The following NLRP10 variants were observed in gnomAD, a reference collection of about 807,000 sequenced individuals.
NLRP10 encodes the protein NACHT, LRR and PYD domains-containing protein 10.
Under a neutral mutation model 8.2 loss-of-function variants are expected in NLRP10, and 7 were observed. The observed-to-expected ratio is 0.85, with a 90% CI of 0.48 to 1.60. The LOEUF (loss-of-function observed/expected upper bound fraction) is 1.60. Among genes scored for constraint, NLRP10 ranks in the 40% most tolerant of loss-of-function variants. The pLI is 0.00. For synonymous variants in NLRP10, 338 were observed against 314.0 expected (o/e 1.08, Z -0.81); for missense variants, 814 against 776.3 (o/e 1.05, Z -0.58).
At chr11:7,963,124 G>A in intron 2 of NLRP10, 83 bp downstream of exon 2, 2 of 1,373,052 alleles carry the variant, frequency 1.5e-6, no homozygotes, top group Middle Eastern at 2.4e-4. Context: ...TAAGGTACAG[G>A]CTACAGGCAG....
Position 7,959,864 on chromosome 11 carries a change from T to C in NLRP10, c.1748A>G (p.Asn583Ser). The change falls in exon 3 of 3, where the codon AAT becomes AGT. Residue 583 changes from asparagine to serine, a missense_variant. Transcript: ENST00000691676. ...KNLVKGIQMN[N>S]VSFKIKHSNE... is the part of the protein sequence containing the mutation. ...TGAATGTTTTATCTTGAATGATACA[T>C]TGTTCATCTGAATACCTTTTACCAG... 1.2e-6 allele frequency: 2 copies of C among 1,613,484 alleles called. No individual in the cohort carries two copies. The highest frequency in any genetic ancestry group is 1.7e-6 in the Non-Finnish European group (2 of 1,179,430).
chr11:7,958,232 T>A lies in NLRP10; in HGVS notation c.*1412A>T, dbSNP rs1012453984. Among the ~76,000 whole-genome samples, 5 of 152,176 alleles carry A rather than the reference T, an allele frequency of 3.3e-5. No homozygotes were observed. Among genetic ancestry groups the A allele is most frequent in the African/African-American group, 1.2e-4 (5 of 41,448 alleles). ...AGTTTCCAACTCACTTGGGTTAATA[T>A]CTAGGAGCATAATTGCTAGATCTTA... is the stretch of plus-strand genomic sequence containing the variant. On this transcript the variant is annotated 3_prime_UTR_variant, in exon 3 of 3. Transcript: ENST00000691676.
In NLRP10 at chr11:7,960,270, T is replaced by C. The variant is rs752228165; in HGVS notation, c.1342A>G (p.Ser448Gly). The C allele has an allele frequency of 6.2e-7, 1 of 1,614,156 alleles. No homozygotes were observed. Among genetic ancestry groups the C allele is most frequent in the South Asian group, 1.1e-5 (1 of 91,086 alleles). Residue 448 changes from serine (S) to glycine (G), a missense_variant, in exon 3 of 3, where the codon AGT becomes GGT. Ser to Gly is a moderately conservative substitution (Grantham distance 56). Transcript: ENST00000691676. The part of the protein sequence containing the change: ...LDGPRLAAFL[S>G]SNDYQLGLAI... ...AGTCCCAATTGGTAGTCGTTACTACTCAGGAAAGCGGCAAGCCTGGGGCCA... is the reference window on the plus strand; with the variant it reads ...AGTCCCAATTGGTAGTCGTTACTACCCAGGAAAGCGGCAAGCCTGGGGCCA...
intron 2 of NLRP10, among the ~76,000 whole-genome samples, chr11:7,962,427 G>A (rs1941748489): frequency 1.3e-5 from 2 of 151,556 alleles, no homozygotes; most frequent in African/African-American, 4.8e-5. Context: ...TAGTAGAGAC[G>A]GGGTTTCACC....
Position 7,959,732 on chromosome 11 carries a change from C to T in NLRP10, c.1880G>A (p.Gly627Asp), listed in dbSNP as rs1215180936. ...TTGTGTTCCTGCTATATTATCTTTG[C>T]CCTCCTTCTGTCCATGGACAGAAGG... Reference protein sequence around the residue: ...KCPSVHGQKEGKDNIAGTQKE... With the variant: ...KCPSVHGQKEDKDNIAGTQKE... The change falls in exon 3 of 3, where the codon GGC (glycine) becomes GAC (aspartate). Residue 627 changes from glycine to aspartate, a missense_variant. Coordinates refer to ENST00000691676, the MANE Select transcript of NLRP10 (RefSeq NM_001391958.1). 3.1e-6 allele frequency: 5 copies of T among 1,612,720 alleles called. No individual in the cohort carries two copies. The East Asian group carries it at 8.9e-5, about 29-fold the overall frequency.
Position 7,961,248 on chromosome 11 carries a change from T to G in NLRP10, c.364A>C (p.Asn122His). Residue 122 changes from asparagine (N) to histidine (H), a missense_variant, in exon 3 of 3, where the codon AAC becomes CAC. Coordinates refer to ENST00000691676, the MANE Select transcript of NLRP10 (RefSeq NM_001391958.1). ...WQEAGVNGRY[N>H]QVLLVAKPSS... is the part of the protein sequence containing the mutation. ...GGCTTGGCCACCAGGAGCACCTGGT[T>G]GTATCTGCCATTGACTCCTGCTTCC... 1 of 1,612,806 alleles carries G rather than the reference T, an allele frequency of 6.2e-7. No individual in the cohort carries two copies. Among genetic ancestry groups the G allele is most frequent in the South Asian group, 1.1e-5 (1 of 90,978 alleles).
Position 7,960,178 on chromosome 11 carries a change from G to T in NLRP10, c.1434C>A (p.Tyr478Ter), listed in dbSNP as rs751160703. 1 of 1,614,132 alleles carries T rather than the reference G, an allele frequency of 6.2e-7. No individual in the cohort carries two copies. Among genetic ancestry groups the T allele is most frequent in the Admixed American group, 1.7e-5 (1 of 60,016 alleles). ...GCCGGCTTTGGTCCTCTTTCACCAG[G>T]TAAGACATGGCATGAAAAAAGTCCT... is the stretch of plus-strand genomic sequence containing the variant. ...SFQDFFHAMSYLVKEDQSRLG... is the reference protein window; with the variant it reads ...SFQDFFHAMS Residue 478 changes from tyrosine to a stop codon, truncating the protein, a stop_gained, in exon 3 of 3, where the codon TAC becomes TAA. Coordinates refer to ENST00000691676, the MANE Select transcript of NLRP10 (RefSeq NM_001391958.1). LOFTEE classifies it low-confidence loss of function (END_TRUNC).
At position 7,961,337 on chromosome 11, in the gene NLRP10, TG is replaced by T; in HGVS notation, c.290-16del. On this transcript the variant is annotated splice_polypyrimidine_tract_variant and intron_variant, in intron 2 of 2. Coordinates refer to ENST00000691676, the MANE Select transcript of NLRP10 (RefSeq NM_001391958.1). ...TTCTCTGTAATCTGAGCCAAACAAATGGGATGTTAGGTAGTGAAATGGGAAT... is the reference window on the plus strand; with the variant it reads ...TTCTCTGTAATCTGAGCCAAACAAATGGATGTTAGGTAGTGAAATGGGAAT... 1 of 1,507,594 alleles carries T rather than the reference TG, an allele frequency of 6.6e-7. No individual in the cohort carries two copies. The highest frequency in any genetic ancestry group is 9.0e-7 in the Non-Finnish European group (1 of 1,116,010). 93.4% of individuals were successfully genotyped at this position (1,507,594 alleles called of 1,614,324 possible).
chr11:7,963,737 T>G, intron 1 of NLRP10, 197 bp from the exon 2 acceptor site: 1 of 557,974 alleles, frequency 1.8e-6, no homozygotes, highest in Non-Finnish European at 3.2e-6. Context: ...CACGTGACTG[T>G]GTTGGCAAAT....
intron 1 of NLRP10, among the ~76,000 whole-genome samples, chr11:7,964,529 T>C (rs1941789223): frequency 6.6e-6 from 1 of 152,238 alleles, no homozygotes; most frequent in African/African-American, 2.4e-5. Context: ...TCAGGAACTG[T>C]TCCACATGAG....
Position 7,960,624 on chromosome 11 carries a change from C to T in NLRP10, c.988G>A (p.Asp330Asn), listed in dbSNP as rs1174649883. The change falls in exon 3 of 3, where the codon GAT becomes AAT. Residue 330 changes from aspartate (D) to asparagine (N), a missense_variant. Transcript: ENST00000691676. The part of the protein sequence containing the change: ...RARYFSSYFT[D>N]EKQADRAFDI... ...AAGGCACGGTCAGCTTGCTTCTCAT[C>T]CGTGAAATAGGAGCTGAAGTACCTC... 1 of 1,614,148 alleles carries T rather than the reference C, an allele frequency of 6.2e-7. No homozygotes were observed. The highest frequency in any genetic ancestry group is 1.3e-5 in the African/African-American group (1 of 75,026).
At chr11:7,963,170 G>A in intron 2 of NLRP10, 37 bp downstream of exon 2, 2 of 1,585,652 alleles carry the variant, frequency 1.3e-6, no homozygotes, top group Admixed American at 1.7e-5. Context: ...GAGTCCCAGT[G>A]CCATCCTGCC....
rs1244265844 is a variant in NLRP10 at position 7,958,812 on chromosome 11, A to G, written c.*832T>C. On this transcript the variant is annotated 3_prime_UTR_variant, in exon 3 of 3. Transcript: ENST00000691676. ...ATCCACCAGCCTGGGCCTCCTACTC[A>G]CTTTTTAAGTAGACTCTTTACTTAT... 1.3e-5 allele frequency among the ~76,000 whole-genome samples: 2 copies of G among 151,814 alleles called. No individual in the cohort carries two copies. Among genetic ancestry groups the G allele is most frequent in the African/African-American group, 4.8e-5 (2 of 41,346 alleles).
Position 7,958,721 on chromosome 11 carries a change from C to T in NLRP10, c.*923G>A, listed in dbSNP as rs1012088623. On this transcript the variant is annotated 3_prime_UTR_variant, in exon 3 of 3. Transcript: ENST00000691676. Reference sequence around the variant, plus strand: ...TGCACCACCACGCCCGGCTAACTTTCGTATTTTTAGTAAAGACGGGGTTTC... The same window carrying T: ...TGCACCACCACGCCCGGCTAACTTTTGTATTTTTAGTAAAGACGGGGTTTC... 4.6e-5 allele frequency among the ~76,000 whole-genome samples: 7 copies of T among 152,000 alleles called. No individual in the cohort carries two copies. The highest frequency in any genetic ancestry group is 1.2e-4 in the African/African-American group (5 of 41,396).
chr11:7,959,007 T>C lies in NLRP10; in HGVS notation c.*637A>G, dbSNP rs914278862. ...TGAAGCCAACTAATTCTTTTTTTAA[T>C]GATTCATGCTTTTGCTGTTATATCT... On this transcript the variant is annotated 3_prime_UTR_variant, in exon 3 of 3. Transcript: ENST00000691676. 3.3e-5 allele frequency among the ~76,000 whole-genome samples: 5 copies of C among 152,236 alleles called. No individual in the cohort carries two copies. The highest frequency in any genetic ancestry group is 1.2e-4 in the African/African-American group (5 of 41,460).
intron 2 of NLRP10, 113 bp downstream of exon 2, chr11:7,963,094 G>C: frequency 9.5e-7 from 1 of 1,050,034 alleles, no homozygotes; most frequent in Non-Finnish European, 1.4e-6. Flanking sequence ...AGGGACTAGA[G>C]GACAAGGTGA....
rs185419042 is a variant in NLRP10 at position 7,963,368 on chromosome 11, G to T, written c.128C>A (p.Pro43Gln). Reference protein sequence around the residue: ...RDMTLSEGQPPLARGELEGLI... With the variant: ...RDMTLSEGQPQLARGELEGLI... ...GCCCTCCAACTCCCCTCTGGCCAGT[G>T]GGGGCTGGCCCTCAGACAGGGTCAT... is the stretch of plus-strand genomic sequence containing the variant. Residue 43 changes from proline to glutamine, a missense_variant, in exon 2 of 3, where the codon CCA becomes CAA. Physicochemically the swap from Pro to Gln is moderately conservative, Grantham distance 76. Transcript: ENST00000691676. 51 of 1,613,932 alleles carry T rather than the reference G, an allele frequency of 3.2e-5. No homozygotes were observed. The highest frequency in any genetic ancestry group is 3.8e-5 in the Non-Finnish European group (45 of 1,179,898).
At chr11:7,961,391 C>T in intron 2 of NLRP10, 69 bp from the exon 3 acceptor site, 2 of 968,180 alleles carry the variant, frequency 2.1e-6, no homozygotes. Flanking sequence ...CCCCTCCAAA[C>T]TGACTCTGCT....
rs564306322 is a variant in NLRP10, at chr11:7,960,931, G to A, written c.681C>T (p.Cys227=). 91 of 1,614,092 alleles carry A rather than the reference G, an allele frequency of 5.6e-5. No individual in the cohort carries two copies. The highest frequency in any genetic ancestry group is 4.6e-4 in the South Asian group (42 of 91,078). ...CTGTGACAGGGGCTTGATTGTCCCC[G>A]CAGCACCAGAAAAGGAGCTGCTCCA... The part of the protein sequence containing the change: ...SKLEQLLFWC[C]GDNQAPVTEI... The change falls in exon 3 of 3, where the codon TGC becomes TGT. Residue 227 remains cysteine (C), a synonymous_variant. Transcript: ENST00000691676.
Sources: gnomAD v4.1 joint callset for allele counts (sites outside exome capture counted in the v4.1 genomes callset) on GRCh38, gnomAD v4.1.1 for gene constraint, MANE v1.5 for transcripts, NCBI Gene and HGNC (gene_info 2026-07-23, HGNC 2026-07-21) for gene names.